The following EPB41L1 variants were observed in gnomAD, a reference collection of about 807,000 sequenced individuals.
EPB41L1 encodes the protein band 4.1-like protein 1.
A neutral mutation model predicts 97.8 loss-of-function variants in EPB41L1; 29 were observed. The ratio of observed to expected loss-of-function variants is 0.30; its 90% CI spans 0.22 to 0.40. The LOEUF is 0.40. Ranked by LOEUF, EPB41L1 falls within the 10% of genes least tolerant of loss-of-function variation. EPB41L1 has a pLI of 1.00. For synonymous variants in EPB41L1, 383 were observed against 459.2 expected (o/e 0.83, Z 2.12); for missense variants, 812 against 1,162.3 (o/e 0.70, Z 4.38).
intron 1 of EPB41L1, among the ~76,000 whole-genome samples, chr20:36,095,320 C>T (rs2057793682): frequency 6.6e-6 from 1 of 152,128 alleles, no homozygotes; most frequent in South Asian, 2.1e-4. Flanking sequence ...GTTGGTCAGG[C>T]TGGTCTCAAA....
At chr20:36,162,404 G>C (rs780161777) in intron 1 of EPB41L1, among the ~76,000 whole-genome samples, 3 of 152,238 alleles carry the variant, frequency 2.0e-5, no homozygotes, top group Non-Finnish European at 4.4e-5. Flanking sequence ...GCATTGAGTG[G>C]GGAGAGCACT....
At chr20:36,153,055 G>C (rs1450762736), upstream of EPB41L1, 3 of 456,646 alleles carry the variant, frequency 6.6e-6, no homozygotes, top group Non-Finnish European at 1.3e-5. Flanking sequence ...AGCAGGGGGA[G>C]TGAAGGCACC....
rs188781526 is a variant in EPB41L1, at chr20:36,205,870, A to C, written c.1669-3618A>C. Reference sequence around the variant, plus strand: ...ACAGGGTTCAGAGCATTGGGTATTTATAGAAAGAGAGTACACTAGGCCAGA... The same window carrying C: ...ACAGGGTTCAGAGCATTGGGTATTTCTAGAAAGAGAGTACACTAGGCCAGA... On this transcript the variant is annotated intron_variant, in intron 14 of 21. Coordinates refer to ENST00000338074, the MANE Select transcript of EPB41L1 (RefSeq NM_012156.2). 2.2e-5 allele frequency: 28 copies of C among 1,289,452 alleles called. No individual in the cohort carries two copies. The African/African-American group carries it at 3.0e-4, about 14-fold the overall frequency. 79.9% of individuals were successfully genotyped at this position (1,289,452 alleles called of 1,614,324 possible).
intron 5 of EPB41L1, among the ~76,000 whole-genome samples, chr20:36,179,298 A>G (rs1017394245): frequency 6.6e-6 from 1 of 152,132 alleles, no homozygotes; most frequent in Non-Finnish European, 1.5e-5. Context: ...AGGACAAAGG[A>G]CAAGCAGATG....
intron 9 of EPB41L1, among the ~76,000 whole-genome samples, chr20:36,189,442 C>T (rs971384731): frequency 2.0e-5 from 3 of 152,210 alleles, no homozygotes; most frequent in African/African-American, 7.2e-5. Flanking sequence ...CTGCCCCATG[C>T]CCAAGGTGCT....
chr20:36,094,953 C>A (rs976441795), intron 1 of EPB41L1, among the ~76,000 whole-genome samples: 6 of 151,984 alleles, frequency 3.9e-5, no homozygotes, highest in African/African-American at 1.5e-4. Context: ...AGGAATGAGC[C>A]ACCACGCCCA....
At chr20:36,193,724 G>A (rs542663432) in intron 11 of EPB41L1, among the ~76,000 whole-genome samples, 123 of 152,186 alleles carry the variant, frequency 8.1e-4, no homozygotes, top group Non-Finnish European at 1.5e-3. Context: ...CAATATTTGT[G>A]TGTTGCTAAA....
At chr20:36,213,462 C>T (rs887349670) in intron 16 of EPB41L1, among the ~76,000 whole-genome samples, 1 of 151,892 alleles carries the variant, frequency 6.6e-6, no homozygotes, top group African/African-American at 2.4e-5. Flanking sequence ...CTTTTGTTTC[C>T]AGATTTCTTT....
intron 2 of EPB41L1, among the ~76,000 whole-genome samples, chr20:36,118,390 A>G (rs568921819): frequency 1.3e-5 from 2 of 152,132 alleles, no homozygotes; most frequent in South Asian, 4.2e-4. Context: ...GAGTGTACTG[A>G]GTGCCTATCT....
chr20:36,109,100 C>T (rs546622242), intron 1 of EPB41L1, among the ~76,000 whole-genome samples: 10 of 152,176 alleles, frequency 6.6e-5, no homozygotes, highest in South Asian at 6.2e-4. Flanking sequence ...CCTGCCACCA[C>T]GCCCGGCTAA....
At position 36,232,533 on chromosome 20, in the gene EPB41L1, A is replaced by T. The variant is rs1837836630; in HGVS notation, c.*3193A>T. ...TTTTCCATCTGAGGGTACAGGAAGTACCAGGACCTGTTTCAGTTTTTGAAT... is the reference window on the plus strand; with the variant it reads ...TTTTCCATCTGAGGGTACAGGAAGTTCCAGGACCTGTTTCAGTTTTTGAAT... On this transcript the variant is annotated 3_prime_UTR_variant, in exon 22 of 22. Transcript: ENST00000338074. 5.0e-6 allele frequency: 2 copies of T among 398,622 alleles called. No homozygotes were observed. Among genetic ancestry groups the T allele is most frequent in the Non-Finnish European group, 4.4e-6 (1 of 226,058 alleles). 24.7% of individuals were successfully genotyped at this position (398,622 alleles called of 1,614,324 possible).
chr20:36,178,515 A>G, intron 4 of EPB41L1, 115 bp from the exon 5 acceptor site: 1 of 1,052,224 alleles, frequency 9.5e-7, no homozygotes, highest in Non-Finnish European at 1.5e-6. Context: ...TTAGCCAAGG[A>G]AGGGCGTTCC....
chr20:36,188,581 AACACACAC>A (rs55990020), intron 9 of EPB41L1, 82 bp downstream of exon 9: 5,728 of 465,766 alleles, frequency 0.012, 196 homozygotes, highest in African/African-American at 0.013. Flanking sequence ...CTGGACTGCC[AACACACAC>A]ACACACACAC....
chr20:36,150,595 G>A (rs1184841443), upstream of EPB41L1: 2 of 152,180 alleles, frequency 1.3e-5, no homozygotes, highest in Admixed American at 6.5e-5. Flanking sequence ...CCATTTATTA[G>A]CTGGATGAAC....
chr20:36,140,193 T>C (rs984113832), intron 2 of EPB41L1, among the ~76,000 whole-genome samples: 1 of 151,586 alleles, frequency 6.6e-6, no homozygotes, highest in Non-Finnish European at 1.5e-5. Flanking sequence ...TAGCAGGGAC[T>C]ACAGGTGCGC....
At chr20:36,228,000 G>C (rs1316617807) in intron 21 of EPB41L1, among the ~76,000 whole-genome samples, 2 of 152,170 alleles carry the variant, frequency 1.3e-5, no homozygotes, top group African/African-American at 2.4e-5. Flanking sequence ...TCCAAAACAG[G>C]AACCTTGGGT....
chr20:36,102,056 A>G (rs1004813465), intron 1 of EPB41L1, among the ~76,000 whole-genome samples: 10 of 146,234 alleles, frequency 6.8e-5, no homozygotes, highest in South Asian at 2.3e-4. Flanking sequence ...AAAAAAACCC[A>G]GCACTCTTTT....
chr20:36,187,153 C>G (rs1346810954), intron 7 of EPB41L1, among the ~76,000 whole-genome samples: 1 of 152,164 alleles, frequency 6.6e-6, no homozygotes, highest in Non-Finnish European at 1.5e-5. Context: ...AAAATGTAGT[C>G]CAAGTTTCCT....
At chr20:36,215,200 G>A (rs2063370469) in intron 17 of EPB41L1, among the ~76,000 whole-genome samples, 1 of 151,966 alleles carries the variant, frequency 6.6e-6, no homozygotes, top group African/African-American at 2.4e-5. Context: ...AACCTTTATA[G>A]ATGAGGTAAC....
Sources: gnomAD v4.1 joint callset for allele counts (sites outside exome capture counted in the v4.1 genomes callset) on GRCh38, gnomAD v4.1.1 for gene constraint, MANE v1.5 for transcripts, NCBI Gene and HGNC (gene_info 2026-07-23, HGNC 2026-07-21) for gene names.